The following COL5A1 variants were observed in gnomAD, a reference collection of about 807,000 sequenced individuals.
COL5A1 encodes the protein collagen type V alpha 1 chain.
Under a neutral mutation model 263.7 loss-of-function variants are expected in COL5A1, and 16 were observed. That is an observed-to-expected ratio of 0.06 (90% CI 0.04 to 0.09). The LOEUF (loss-of-function observed/expected upper bound fraction) is 0.09. Among genes scored for constraint, COL5A1 ranks in the 10% least tolerant of loss-of-function variants. The pLI is 1.00. For synonymous variants in COL5A1, 1,012 were observed against 1,004.5 expected, an observed-to-expected ratio of 1.01 and a Z score of -0.14; for missense variants, 2,036 against 2,540.5, an observed-to-expected ratio of 0.80 and a Z score of 4.27.
chr9:134,794,940 G>C lies in COL5A1; in HGVS notation c.2701-142G>C. 1 of 842,500 alleles carries C rather than the reference G, an allele frequency of 1.2e-6. No individual in the cohort carries two copies. Among genetic ancestry groups the C allele is most frequent in the South Asian group, 1.4e-5 (1 of 69,938 alleles). The allele number at this position is 842,500 out of a possible 1,614,324, so 52.2% of individuals were successfully genotyped here. A position where few individuals can be genotyped will look rare whatever the true frequency, so the allele number is the denominator to read the frequency against. Reference sequence around the variant, plus strand: ...CCTGATAAATCTCCTATTAAAACACGGAAAAGGTGGGTGGCGGGGAGGCCC... The same window carrying C: ...CCTGATAAATCTCCTATTAAAACACCGAAAAGGTGGGTGGCGGGGAGGCCC... On this transcript the variant is annotated intron_variant, in intron 32 of 65. Coordinates refer to ENST00000371817, the MANE Select transcript of COL5A1 (RefSeq NM_000093.5). The surrounding 1 kb of genome is among the most constrained non-coding windows in gnomAD (Gnocchi z 4.3).
intron 33 of COL5A1, 26 bp downstream of exon 33, chr9:134,795,152 A>G: frequency 6.2e-7 from 1 of 1,614,032 alleles, no homozygotes; most frequent in Admixed American, 1.7e-5. Context: ...GCTTGTGGGC[A>G]TGTTTGGGAA....
At position 134,823,793 on chromosome 9, in the gene COL5A1, G is replaced by A. The variant is rs151178568; in HGVS notation, c.4698+324G>A. On this transcript the variant is annotated intron_variant, in intron 61 of 65. Coordinates refer to ENST00000371817, the MANE Select transcript of COL5A1 (RefSeq NM_000093.5). ...ACTGGGCACGTGTGTGTGCATGTCTGTATGTGTACGTGCATCCTGTATATG... is the reference window on the plus strand; with the variant it reads ...ACTGGGCACGTGTGTGTGCATGTCTATATGTGTACGTGCATCCTGTATATG... 8.5e-3 allele frequency among the ~76,000 whole-genome samples: 1,300 copies of A among 152,304 alleles called. 20 individuals are homozygous for A. The highest frequency in any genetic ancestry group is 0.029 in the African/African-American group (1,219 of 41,558).
intron 37 of COL5A1, among the ~76,000 whole-genome samples, chr9:134,799,977 T>G (rs1054609630): frequency 6.6e-6 from 1 of 152,186 alleles, no homozygotes; most frequent in Non-Finnish European, 1.5e-5. Flanking sequence ...TCTAGACACA[T>G]GGCGCTGGAG....
chr9:134,654,947 G>T (rs537603548), intron 1 of COL5A1, among the ~76,000 whole-genome samples: 35 of 89,262 alleles, frequency 3.9e-4, no homozygotes, highest in African/African-American at 1.4e-3. Context: ...CTGGGGGTGT[G>T]TAGAGCTGGG....
chr9:134,832,333 G>C (rs1839669788), intron 64 of COL5A1, among the ~76,000 whole-genome samples: 1 of 152,156 alleles, frequency 6.6e-6, no homozygotes, highest in South Asian at 2.1e-4. Flanking sequence ...TTGAACCCAG[G>C]AGGCAGAGGT....
At chr9:134,753,388 AC>A (rs2132688702) in intron 14 of COL5A1, among the ~76,000 whole-genome samples, 1 of 152,148 alleles carries the variant, frequency 6.6e-6, no homozygotes, top group South Asian at 2.1e-4. Flanking sequence ...GTTCAACACC[AC>A]AGGGGCCCTC....
At chr9:134,832,504 A>C (rs1462540142) in intron 64 of COL5A1, among the ~76,000 whole-genome samples, 1 of 152,222 alleles carries the variant, frequency 6.6e-6, no homozygotes, top group Non-Finnish European at 1.5e-5. Flanking sequence ...AATCCCTCCC[A>C]CCAGGAGAGC....
Position 134,681,179 on chromosome 9 carries a change from G to A in COL5A1, c.110-9733G>A, listed in dbSNP as rs1832845876. ...CTTGCAGGGAGGGCTGGGGTGGGGG[G>A]GCCTCAGCCCTGGGCCAGACCCTCC... On this transcript the variant is annotated intron_variant, in intron 1 of 65. Transcript: ENST00000371817. The surrounding 1 kb of genome is among the most constrained non-coding windows in gnomAD (Gnocchi z 4.3). Among the ~76,000 whole-genome samples the A allele has an allele frequency of 6.6e-6, 1 of 152,194 alleles. No homozygotes were observed. The highest frequency in any genetic ancestry group is 1.5e-5 in the Non-Finnish European group (1 of 68,024).
chr9:134,650,178 G>A (rs958998611), intron 1 of COL5A1, among the ~76,000 whole-genome samples: 1 of 151,710 alleles, frequency 6.6e-6, no homozygotes, highest in Non-Finnish European at 1.5e-5. Flanking sequence ...AGAACTTAAA[G>A]TATAATAAAA....
intron 13 of COL5A1, 148 bp downstream of exon 13, chr9:134,751,030 G>A (rs1835758500): frequency 4.0e-6 from 3 of 742,990 alleles, no homozygotes; most frequent in South Asian, 3.1e-5. Flanking sequence ...GTCAGGAGCT[G>A]TGGGAGCGTC....
intron 4 of COL5A1, among the ~76,000 whole-genome samples, chr9:134,720,066 G>C (rs1465847706): frequency 1.3e-5 from 2 of 152,182 alleles, no homozygotes; most frequent in Non-Finnish European, 2.9e-5. Flanking sequence ...GAGGGCAGCT[G>C]CAGCTAAGAA....
intron 1 of COL5A1, among the ~76,000 whole-genome samples, chr9:134,663,028 A>G (rs889292769): frequency 3.3e-5 from 5 of 152,262 alleles, no homozygotes; most frequent in Non-Finnish European, 7.3e-5. Context: ...TTCTGTGAGC[A>G]TGTACGATGT....
chr9:134,818,795 C>T lies in COL5A1; in HGVS notation c.4338+32C>T, dbSNP rs774113830. ...AGGCTGTGAGGGGCAGAGGGGTTGC[C>T]GAGTGGAGGGACGGGGGACCAGCAA... is the stretch of plus-strand genomic sequence containing the variant. On this transcript the variant is annotated intron_variant, in intron 55 of 65. Coordinates refer to ENST00000371817, the MANE Select transcript of COL5A1 (RefSeq NM_000093.5). The surrounding 1 kb of genome is among the most constrained non-coding windows in gnomAD (Gnocchi z 6.0). The T allele has an allele frequency of 9.3e-6, 15 of 1,611,994 alleles. No individual in the cohort carries two copies. The highest frequency in any genetic ancestry group is 4.4e-5 in the South Asian group (4 of 91,030).
At chr9:134,830,301 C>T (rs1295284443) in intron 64 of COL5A1, 2 of 942,094 alleles carry the variant, frequency 2.1e-6, no homozygotes, top group Non-Finnish European at 1.6e-6. Flanking sequence ...CGCTCCACAT[C>T]ACGTGACAGC....
At chr9:134,675,749 G>T (rs1832668514) in intron 1 of COL5A1, among the ~76,000 whole-genome samples, 1 of 152,148 alleles carries the variant, frequency 6.6e-6, no homozygotes, top group Non-Finnish European at 1.5e-5. Flanking sequence ...GCTGTTGGCT[G>T]AGGGCCTGGG....
chr9:134,772,725 G>A, intron 25 of COL5A1, 65 bp from the exon 26 acceptor site: 6 of 1,500,952 alleles, frequency 4.0e-6, no homozygotes, highest in Non-Finnish European at 5.6e-6. Context: ...ACGCAGGGAG[G>A]GGAAGCGAGG....
At chr9:134,669,206 TTTCCTTTTCCCTTCCCTTCCC>T (rs1832452694) in intron 1 of COL5A1, among the ~76,000 whole-genome samples, 2 of 128,602 alleles carry the variant, frequency 1.6e-5, no homozygotes, top group African/African-American at 5.5e-5. Flanking sequence ...TCCCTTTCCC[TTTCCTTTTCCCTTCCCTTCCC>T]TTCCCTTTCC....
intron 34 of COL5A1, among the ~76,000 whole-genome samples, chr9:134,795,519 C>T (rs747516491): frequency 1.1e-4 from 17 of 152,052 alleles, no homozygotes; most frequent in African/African-American, 3.1e-4. Context: ...TGGCTGAGAA[C>T]GATGGTCATG....
intron 20 of COL5A1, among the ~76,000 whole-genome samples, chr9:134,764,004 G>A (rs1230162303): frequency 2.2e-4 from 32 of 144,568 alleles, no homozygotes; most frequent in African/African-American, 7.7e-4. Flanking sequence ...CAGGGGCAGC[G>A]TGGTGGGGTC....
Sources: gnomAD v4.1 joint callset for allele counts (sites outside exome capture counted in the v4.1 genomes callset) on GRCh38, gnomAD v4.1.1 for gene constraint, Gnocchi (gnomAD v3.1) non-coding constraint, MANE v1.5 for transcripts, NCBI Gene and HGNC (gene_info 2026-07-23, HGNC 2026-07-21) for gene names.